ARID1B: variants seen among roughly 807,000 people sequenced by gnomAD.
ARID1B encodes AT-rich interactive domain-containing protein 1B.
A neutral mutation model predicts 212.3 loss-of-function variants in ARID1B; 30 were observed. The observed-to-expected ratio is 0.14, with a 90% confidence interval of 0.11 to 0.19. The LOEUF (loss-of-function observed/expected upper bound fraction) is 0.19, where lower values mean the gene tolerates loss of function less well. Ranked by LOEUF, ARID1B falls within the 10% of genes least tolerant of loss-of-function variation. The pLI is 1.00. For synonymous variants in ARID1B, 1,402 were observed against 1,301.7 expected (o/e 1.08, Z -1.66); for missense variants, 2,891 against 3,204.0 (o/e 0.90, Z 2.36).
intron 4 of ARID1B, among the ~76,000 whole-genome samples, chr6:156,957,308 A>G (rs574928186): frequency 6.6e-6 from 1 of 152,284 alleles, no homozygotes; most frequent in Non-Finnish European, 1.5e-5. Context: ...GGAAACAGTT[A>G]TCACAGAGTT....
intron 9 of ARID1B, among the ~76,000 whole-genome samples, chr6:157,171,571 A>G (rs142315384): frequency 9.3e-4 from 141 of 152,372 alleles, no homozygotes; most frequent in African/African-American, 3.0e-3. Context: ...CTTCTGATCC[A>G]TTTAGTAAAA....
intron 2 of ARID1B, among the ~76,000 whole-genome samples, chr6:156,876,870 A>G (rs1177466572): frequency 6.6e-6 from 1 of 152,100 alleles, no homozygotes; most frequent in Non-Finnish European, 1.5e-5. Flanking sequence ...AATCCTTTGG[A>G]ATTAAATATT....
chr6:156,834,859 C>A (rs9480394), intron 2 of ARID1B, among the ~76,000 whole-genome samples: 7 of 152,224 alleles, frequency 4.6e-5, no homozygotes, highest in South Asian at 2.1e-4. Flanking sequence ...ACATTTATAC[C>A]TCACATTTCT....
In ARID1B at chr6:156,907,078, C is replaced by T. The variant is rs116213064; in HGVS notation, c.2136+5553C>T. Reference sequence around the variant, plus strand: ...AAATAATACTTTAAAAAATCACTGCCTTCCTGCTTTTTTGCCTTTCTGCAG... The same window carrying T: ...AAATAATACTTTAAAAAATCACTGCTTTCCTGCTTTTTTGCCTTTCTGCAG... On this transcript the variant is annotated intron_variant, in intron 3 of 19. Coordinates refer to ENST00000636930, the MANE Select transcript of ARID1B (RefSeq NM_001374828.1). Among the ~76,000 whole-genome samples the T allele has an allele frequency of 9.3e-3, 1,416 of 152,232 alleles. 18 individuals are homozygous for T. The highest frequency in any genetic ancestry group is 0.031 in the African/African-American group (1,290 of 41,532).
At chr6:157,059,704 C>T (rs1204844106) in intron 4 of ARID1B, among the ~76,000 whole-genome samples, 2 of 152,130 alleles carry the variant, frequency 1.3e-5, no homozygotes, top group East Asian at 3.8e-4. Context: ...CCTTCTACTG[C>T]CTGGGAGACC....
At chr6:157,053,385 C>T (rs1172406513) in intron 4 of ARID1B, among the ~76,000 whole-genome samples, 1 of 152,114 alleles carries the variant, frequency 6.6e-6, no homozygotes. Flanking sequence ...CACCCCTGGC[C>T]TATCATGCAG....
At chr6:156,974,246 A>T (rs1050085919) in intron 4 of ARID1B, among the ~76,000 whole-genome samples, 1 of 152,332 alleles carries the variant, frequency 6.6e-6, no homozygotes, top group South Asian at 2.1e-4. Context: ...TAAAACACGT[A>T]GATTATTTTG....
At chr6:157,053,852 T>C (rs945719841) in intron 4 of ARID1B, among the ~76,000 whole-genome samples, 4 of 152,296 alleles carry the variant, frequency 2.6e-5, no homozygotes, top group African/African-American at 9.6e-5. Flanking sequence ...GGCAGGTGGA[T>C]CACCTGAGGT....
rs1428033827 is a variant in ARID1B at position 156,884,736 on chromosome 6, C to T, written c.1987-16640C>T. 1.3e-5 allele frequency among the ~76,000 whole-genome samples: 2 copies of T among 152,150 alleles called. 1 individual carries two copies. On this transcript the variant is annotated intron_variant, in intron 2 of 19. Coordinates refer to ENST00000636930, the MANE Select transcript of ARID1B (RefSeq NM_001374828.1). ...AAAGGTTCTGAGATTCAGGAACCAC[C>T]GAATGCCCAGATACTAGTGTTGCTA... is the stretch of plus-strand genomic sequence containing the variant.
At chr6:156,928,203 G>A (rs1791393358) in intron 3 of ARID1B, among the ~76,000 whole-genome samples, 1 of 152,162 alleles carries the variant, frequency 6.6e-6, no homozygotes, top group Admixed American at 6.5e-5. Context: ...GCCCAGACTG[G>A]GACTTAAACT....
chr6:156,871,667 A>C (rs776753551), intron 2 of ARID1B: 1 of 1,610,752 alleles, frequency 6.2e-7, no homozygotes, highest in Non-Finnish European at 8.5e-7. Flanking sequence ...GTATCTTCTT[A>C]CATGCTCTTA....
Position 157,207,505 on chromosome 6 carries a change from C to T in ARID1B, c.6733C>T (p.Arg2245Cys), listed in dbSNP as rs1583517829. 4 of 1,614,132 alleles carry T rather than the reference C, an allele frequency of 2.5e-6. No homozygotes were observed. Among genetic ancestry groups the T allele is most frequent in the Non-Finnish European group, 3.4e-6 (4 of 1,180,032 alleles). Residue 2245 changes from arginine to cysteine, a missense_variant, in exon 20 of 20, where the codon CGC becomes TGC. Transcript: ENST00000636930. The surrounding 1 kb of genome is among the most constrained non-coding windows in gnomAD (Gnocchi z 8.5). Reference sequence around the variant, plus strand: ...TACATTAGTTAGGTACGTTGGGGATCGCAAAAACCCAGTCTGTCGAGAAAT... The same window carrying T: ...TACATTAGTTAGGTACGTTGGGGATTGCAAAAACCCAGTCTGTCGAGAAAT... ...YATLVRYVGD[R>C]KNPVCREMSM...
intron 5 of ARID1B, among the ~76,000 whole-genome samples, chr6:157,088,681 C>T (rs1426943943): frequency 6.6e-6 from 1 of 152,156 alleles, no homozygotes; most frequent in Admixed American, 6.5e-5. Context: ...TTTATATTTA[C>T]TTTCACCTAA....
At position 157,174,133 on chromosome 6, in the gene ARID1B, C is replaced by T; in HGVS notation, c.3345+16C>T. 6.2e-7 allele frequency: 1 copy of T among 1,608,696 alleles called. No homozygotes were observed. Among genetic ancestry groups the T allele is most frequent in the Non-Finnish European group, 8.5e-7 (1 of 1,175,114 alleles). On this transcript the variant is annotated intron_variant, in intron 10 of 19. Transcript: ENST00000636930. ...CAAGTCAAAGGTACTTCCTTCGCCT[C>T]TGCACGCGGTGTGAGGTCTGCCTAG...
intron 5 of ARID1B, among the ~76,000 whole-genome samples, chr6:157,108,760 A>C (rs1164327418): frequency 6.6e-6 from 1 of 152,202 alleles, no homozygotes; most frequent in East Asian, 1.9e-4. Context: ...AACCAAATGG[A>C]TACTTAACGA....
chr6:156,994,281 A>AGC (rs1778447515), intron 4 of ARID1B, among the ~76,000 whole-genome samples: 1 of 152,192 alleles, frequency 6.6e-6, no homozygotes, highest in South Asian at 2.1e-4. Context: ...TCTTTCAATA[A>AGC]CAAGCCATTT....
chr6:156,997,044 C>CT (rs1778633599), intron 4 of ARID1B, among the ~76,000 whole-genome samples: 1 of 152,144 alleles, frequency 6.6e-6, no homozygotes, highest in African/African-American at 2.4e-5. Context: ...TTTAGCATTA[C>CT]TTAAGACATA....
At chr6:156,976,873 T>G (rs1777283952) in intron 4 of ARID1B, 1 of 578,360 alleles carries the variant, frequency 1.7e-6, no homozygotes, top group Admixed American at 1.9e-5. Flanking sequence ...GTTGTGAACC[T>G]CACAGGCGGG....
At chr6:157,045,470 T>TG (rs1321467415) in intron 4 of ARID1B, among the ~76,000 whole-genome samples, 2 of 152,068 alleles carry the variant, frequency 1.3e-5, no homozygotes, top group African/African-American at 2.4e-5. Flanking sequence ...TAGCGGGACC[T>TG]TTTTTTTCTT....
Sources: allele counts gnomAD v4.1 joint callset (sites outside exome capture counted in the v4.1 genomes callset), GRCh38; gene constraint gnomAD v4.1.1; non-coding constraint Gnocchi (gnomAD v3.1); transcripts MANE v1.5; gene names NCBI Gene and HGNC (gene_info 2026-07-23, HGNC 2026-07-21).